The following KIAA0040 variants were observed in gnomAD, a reference collection of about 807,000 sequenced individuals.
The protein encoded by KIAA0040 is uncharacterized protein KIAA0040.
KIAA0040 carries 10 observed loss-of-function variants against 7.2 expected under a neutral mutation model. The ratio of observed to expected loss-of-function variants is 1.38; its 90% confidence interval spans 0.85 to 2.34. The LOEUF is 2.34. Among genes scored for constraint, KIAA0040 ranks in the 30% most tolerant of loss-of-function variants. The pLI is 0.00. For synonymous variants in KIAA0040, 49 were observed against 40.1 expected (o/e 1.22, Z -0.84); for missense variants, 89 against 108.2 (o/e 0.82, Z 0.79).
chr1:175,169,874 T>C (rs1387135776), intron 2 of KIAA0040, among the ~76,000 whole-genome samples: 1 of 152,208 alleles, frequency 6.6e-6, no homozygotes, highest in East Asian at 1.9e-4. Flanking sequence ...TGCCCTTTTG[T>C]CTTTTCCTAC....
At chr1:175,178,263 A>G (rs1159604492) in intron 1 of KIAA0040, among the ~76,000 whole-genome samples, 1 of 152,198 alleles carries the variant, frequency 6.6e-6, no homozygotes, top group Non-Finnish European at 1.5e-5. Flanking sequence ...AGCACATTCC[A>G]TCCACTGCCA....
intron 1 of KIAA0040, among the ~76,000 whole-genome samples, chr1:175,186,809 G>C (rs1677677328): frequency 6.6e-6 from 1 of 152,232 alleles, no homozygotes; most frequent in Admixed American, 6.5e-5. Flanking sequence ...TTCTAATTTG[G>C]AAACTAGGAA....
intron 2 of KIAA0040, among the ~76,000 whole-genome samples, chr1:175,168,461 A>C (rs1210576616): frequency 1.3e-5 from 2 of 152,232 alleles, no homozygotes; most frequent in African/African-American, 2.4e-5. Context: ...ATTTTCCCCC[A>C]GAATTGATGT....
intron 3 of KIAA0040, among the ~76,000 whole-genome samples, chr1:175,163,143 T>C (rs981552830): frequency 5.9e-5 from 9 of 152,330 alleles, no homozygotes; most frequent in African/African-American, 2.2e-4. Flanking sequence ...CAGGCGTTGC[T>C]CTGTGGCCTC....
rs572202834 is a variant in KIAA0040, at chr1:175,190,493, C to T, written c.-384+2147G>A. Among the ~76,000 whole-genome samples, 11 of 152,314 alleles carry T rather than the reference C, an allele frequency of 7.2e-5. No individual in the cohort carries two copies. The South Asian group carries it at 2.1e-3, about 29-fold the overall frequency. ...AAAGTGTTCATCACTGCCTTCTCCA[C>T]AATCTGCTTCCCAAGCCCACTCCTT... On this transcript the variant is annotated intron_variant, in intron 1 of 3. Transcript: ENST00000423313.
chr1:175,167,062 T>C (rs1168076556), intron 2 of KIAA0040, among the ~76,000 whole-genome samples: 3 of 151,774 alleles, frequency 2.0e-5, no homozygotes, highest in Non-Finnish European at 4.4e-5. Flanking sequence ...GGTGTGAAAG[T>C]GTAATTATGG....
chr1:175,192,811 GGA>G (rs1677920907), upstream of KIAA0040: 1 of 138,892 alleles, frequency 7.2e-6, no homozygotes, highest in African/African-American at 2.6e-5. Context: ...CAAGGTCGTG[GGA>G]GCCGCCCGCC....
chr1:175,162,172 T>C (rs1381852211), intron 3 of KIAA0040, among the ~76,000 whole-genome samples: 1 of 152,182 alleles, frequency 6.6e-6, no homozygotes, highest in Non-Finnish European at 1.5e-5. Flanking sequence ...GAATTACAGG[T>C]TCTTGTGTAC....
Position 175,166,219 on chromosome 1 carries a change from T to C in KIAA0040, c.-134+343A>G, listed in dbSNP as rs138133173. 2.2e-3 allele frequency among the ~76,000 whole-genome samples: 335 copies of C among 152,290 alleles called. 1 individual carries two copies. Among genetic ancestry groups the C allele is most frequent in the African/African-American group, 7.8e-3 (324 of 41,566 alleles). ...TTGGGCCTTTGCTCAAACAGCTCCA[T>C]TGAGCTTTCTACCTTGGGTGCGCTG... On this transcript the variant is annotated intron_variant, in intron 3 of 3. Transcript: ENST00000423313.
intron 3 of KIAA0040, among the ~76,000 whole-genome samples, chr1:175,165,181 T>G (rs2101880108): frequency 6.6e-6 from 1 of 152,254 alleles, no homozygotes; most frequent in Middle Eastern, 3.4e-3. Context: ...CAAACTTCTA[T>G]CCACCCATGT....
Position 175,161,134 on chromosome 1 carries a change from C to A in KIAA0040, c.-121G>T. ...TCTTCCAGCTTTGGGTTTGGGCATG[C>A]CACTGGCAGCACCTGAAGAGATTAA... On this transcript the variant is annotated 5_prime_UTR_variant, in exon 4 of 4. Transcript: ENST00000423313. 1.2e-6 allele frequency: 1 copy of A among 858,096 alleles called. No individual in the cohort carries two copies. The highest frequency in any genetic ancestry group is 1.8e-6 in the Non-Finnish European group (1 of 559,276). 53.2% of individuals were successfully genotyped at this position (858,096 alleles called of 1,614,324 possible).
Position 175,160,722 on chromosome 1 carries a change from G to A in KIAA0040, c.292C>T (p.Pro98Ser). Residue 98 changes from proline to serine, a missense_variant, in exon 4 of 4, where the codon CCT becomes TCT. By Grantham distance (74) the Pro-to-Ser change is moderately conservative. Coordinates refer to ENST00000423313, the MANE Select transcript of KIAA0040 (RefSeq NM_014656.3). ...CTCTGCTTCCTGCCTAACTAAACAG[G>A]CAGTGATGGTCTCTTCTCCATCTGG... Reference protein sequence around the residue: ...LLQMEKRPSLPV With the variant: ...LLQMEKRPSLSV 6.5e-7 allele frequency: 1 copy of A among 1,546,968 alleles called. No individual in the cohort carries two copies. Among genetic ancestry groups the A allele is most frequent in the Non-Finnish European group, 8.7e-7 (1 of 1,145,832 alleles).
intron 1 of KIAA0040, 33 bp from the exon 2 acceptor site, chr1:175,177,717 A>G (rs554168458): frequency 6.6e-6 from 1 of 152,200 alleles, no homozygotes; most frequent in South Asian, 2.1e-4. Context: ...GATAGCATGT[A>G]CTGCCCCTTT....
At chr1:175,184,587 G>A (rs1429755372) in intron 1 of KIAA0040, among the ~76,000 whole-genome samples, 2 of 152,186 alleles carry the variant, frequency 1.3e-5, no homozygotes, top group African/African-American at 2.4e-5. Context: ...GTGTGACAGG[G>A]CTGGGCATTC....
Position 175,158,198 on chromosome 1 carries a change from G to C in KIAA0040, c.*2516C>G, listed in dbSNP as rs1676367960. On this transcript the variant is annotated 3_prime_UTR_variant, in exon 4 of 4. Transcript: ENST00000423313. ...CCAGGAAAGGTTGTCAGGGGAGTCTGTGATGGGGAAAAGAGAGGCCCCATT... is the reference window on the plus strand; with the variant it reads ...CCAGGAAAGGTTGTCAGGGGAGTCTCTGATGGGGAAAAGAGAGGCCCCATT... 1 of 152,354 alleles carries C rather than the reference G, an allele frequency of 6.6e-6. No homozygotes were observed. Among genetic ancestry groups the C allele is most frequent in the Non-Finnish European group, 1.5e-5 (1 of 68,140 alleles). 9.4% of individuals were successfully genotyped at this position (152,354 alleles called of 1,614,324 possible).
intron 2 of KIAA0040, among the ~76,000 whole-genome samples, chr1:175,172,661 T>G (rs1375612374): frequency 6.6e-6 from 1 of 152,256 alleles, no homozygotes; most frequent in Non-Finnish European, 1.5e-5. Flanking sequence ...TTTCCATTTA[T>G]TCTTCTGTAA....
chr1:175,185,238 T>C (rs1286036700), intron 1 of KIAA0040, among the ~76,000 whole-genome samples: 1 of 152,164 alleles, frequency 6.6e-6, no homozygotes, highest in Admixed American at 6.5e-5. Flanking sequence ...ATCCCAAGTA[T>C]TTTGGATAAG....
At position 175,161,014 on chromosome 1, in the gene KIAA0040, G is replaced by C; in HGVS notation, c.-1C>G. On this transcript the variant is annotated 5_prime_UTR_variant, in exon 4 of 4. Coordinates refer to ENST00000423313, the MANE Select transcript of KIAA0040 (RefSeq NM_014656.3). ...TGAAGAAGGCACTGATTCTCTCCAT[G>C]GTGCTTGGCTAGATTAGGGCCAGAG... 1.9e-6 allele frequency: 3 copies of C among 1,549,148 alleles called. No individual in the cohort carries two copies. Among genetic ancestry groups the C allele is most frequent in the Non-Finnish European group, 2.6e-6 (3 of 1,145,940 alleles).
intron 1 of KIAA0040, among the ~76,000 whole-genome samples, chr1:175,183,449 T>C (rs995696968): frequency 6.6e-6 from 1 of 152,198 alleles, no homozygotes; most frequent in Non-Finnish European, 1.5e-5. Context: ...CTCATACTTA[T>C]GCAAGCTTCT....
Sources: allele counts gnomAD v4.1 joint callset (sites outside exome capture counted in the v4.1 genomes callset), GRCh38; gene constraint gnomAD v4.1.1; transcripts MANE v1.5; gene names NCBI Gene and HGNC (gene_info 2026-07-23, HGNC 2026-07-21).